Variants in IQCM observed in about 807,000 individuals in gnomAD.
The protein encoded by IQCM is IQ domain-containing protein M.
In IQCM, 45 loss-of-function variants were observed where a neutral mutation model predicts 57.6. The observed-to-expected ratio is 0.78, with a 90% CI of 0.62 to 1.00. The LOEUF is 1.00. Among genes scored for constraint, IQCM ranks in the 50% least tolerant of loss-of-function variants. The probability of loss-of-function intolerance (pLI) is 0.00; values close to 1 mark genes in which losing one functional copy is unlikely to be tolerated. For missense variants in IQCM, 468 were observed against 511.6 expected (o/e 0.91, Z 0.82); for synonymous variants, 148 against 158.9 (o/e 0.93, Z 0.51).
intron 13 of IQCM, among the ~76,000 whole-genome samples, chr4:149,417,016 T>C (rs1197811716): frequency 6.6e-6 from 1 of 152,078 alleles, no homozygotes; most frequent in East Asian, 1.9e-4. Context: ...CTTTTAGGCT[T>C]TTGAGGGAAA....
chr4:149,489,196 C>A (rs1741834588), intron 12 of IQCM, among the ~76,000 whole-genome samples: 1 of 151,934 alleles, frequency 6.6e-6, no homozygotes, highest in African/African-American at 2.4e-5. Context: ...AAACATACAC[C>A]CACAACAGTG....
rs529649771 is a variant in IQCM at position 149,606,660 on chromosome 4, A to C, written c.681+14469T>G. Among the ~76,000 whole-genome samples, 6 of 152,280 alleles carry C rather than the reference A, an allele frequency of 3.9e-5. No homozygotes were observed. In the East Asian group the frequency reaches 1.2e-3, roughly 29 times the overall value. ...TCTTGAGGAAGCTCAATGAACTTCA[A>C]GATAACACATAGAAGGAATTTAGAA... On this transcript the variant is annotated intron_variant, in intron 8 of 13. Transcript: ENST00000636793.
intron 13 of IQCM, among the ~76,000 whole-genome samples, chr4:149,431,695 T>A (rs1461865160): frequency 6.6e-6 from 1 of 151,930 alleles, no homozygotes; most frequent in African/African-American, 2.4e-5. Flanking sequence ...TTTGTTCCCA[T>A]AGGTTTGCTT....
intron 7 of IQCM, among the ~76,000 whole-genome samples, chr4:149,643,876 G>A (rs1039190974): frequency 2.0e-5 from 3 of 152,218 alleles, no homozygotes; most frequent in African/African-American, 4.8e-5. Context: ...TACAGACTCC[G>A]CCTTCTTACT....
intron 2 of IQCM, among the ~76,000 whole-genome samples, chr4:149,759,333 A>G (rs1247439130): frequency 6.6e-6 from 1 of 152,200 alleles, no homozygotes; most frequent in Non-Finnish European, 1.5e-5. Flanking sequence ...CGGTGAATAC[A>G]TGTCATTATA....
At chr4:149,389,736 C>T (rs913807917) in intron 13 of IQCM, among the ~76,000 whole-genome samples, 11 of 150,656 alleles carry the variant, frequency 7.3e-5, no homozygotes, top group African/African-American at 2.7e-4. Flanking sequence ...AGGGATAGCA[C>T]TGGGAGATAT....
intron 9 of IQCM, among the ~76,000 whole-genome samples, chr4:149,568,314 C>G (rs1045795397): frequency 3.3e-5 from 5 of 152,144 alleles, no homozygotes; most frequent in Non-Finnish European, 7.3e-5. Flanking sequence ...GCTACTGCCA[C>G]CTCAGGGTCA....
chr4:149,524,011 C>A (rs1412294831), intron 12 of IQCM, among the ~76,000 whole-genome samples: 1 of 151,920 alleles, frequency 6.6e-6, no homozygotes, highest in Non-Finnish European at 1.5e-5. Context: ...ATCAAATGTC[C>A]ATCAACAAGA....
intron 12 of IQCM, among the ~76,000 whole-genome samples, chr4:149,546,634 G>T (rs1043103316): frequency 7.2e-5 from 11 of 152,274 alleles, no homozygotes; most frequent in African/African-American, 2.6e-4. Context: ...AGAAGTGTCT[G>T]CTCATATCCT....
At chr4:149,798,992 T>C (rs1023971468) in intron 2 of IQCM, among the ~76,000 whole-genome samples, 1 of 151,454 alleles carries the variant, frequency 6.6e-6, no homozygotes, top group Non-Finnish European at 1.5e-5. Context: ...ATCTAATAGA[T>C]ATTTACAGAA....
intron 13 of IQCM, among the ~76,000 whole-genome samples, chr4:149,426,540 C>T (rs1189831062): frequency 1.3e-5 from 2 of 151,930 alleles, no homozygotes; most frequent in African/African-American, 4.8e-5. Context: ...GTGGTTCAGG[C>T]TCAGGGGCTA....
intron 5 of IQCM, among the ~76,000 whole-genome samples, chr4:149,730,535 A>G (rs1030992572): frequency 2.6e-5 from 4 of 152,220 alleles, no homozygotes; most frequent in African/African-American, 9.6e-5. Context: ...GTCATGTAAA[A>G]TCATTTTAAT....
chr4:149,476,201 A>G (rs1019204826), intron 12 of IQCM, among the ~76,000 whole-genome samples: 1 of 152,184 alleles, frequency 6.6e-6, no homozygotes, highest in Non-Finnish European at 1.5e-5. Context: ...AAACTGGCAC[A>G]TCTATGGCAG....
At chr4:149,537,574 T>C (rs1006823842) in intron 12 of IQCM, among the ~76,000 whole-genome samples, 4 of 151,922 alleles carry the variant, frequency 2.6e-5, no homozygotes, top group African/African-American at 9.7e-5. Flanking sequence ...TTGCCAAATT[T>C]GATGAAAAAC....
chr4:149,408,803 C>T (rs1378842703), intron 13 of IQCM, among the ~76,000 whole-genome samples: 1 of 152,036 alleles, frequency 6.6e-6, no homozygotes, highest in Non-Finnish European at 1.5e-5. Flanking sequence ...TAAGAGCAGA[C>T]ATCTCCCCAG....
chr4:149,727,648 AG>A (rs1403583760), intron 5 of IQCM, among the ~76,000 whole-genome samples: 2 of 152,240 alleles, frequency 1.3e-5, no homozygotes, highest in East Asian at 3.9e-4. Flanking sequence ...CAGGGACAGA[AG>A]GGAGGAAACA....
chr4:149,668,840 G>A (rs1760977829), intron 7 of IQCM, among the ~76,000 whole-genome samples: 1 of 152,014 alleles, frequency 6.6e-6, no homozygotes, highest in Non-Finnish European at 1.5e-5. Context: ...GCTTTTAAAA[G>A]AAGAAGAAAA....
chr4:149,703,595 T>G (rs1763929391), intron 5 of IQCM, among the ~76,000 whole-genome samples: 1 of 151,914 alleles, frequency 6.6e-6, no homozygotes, highest in Non-Finnish European at 1.5e-5. Flanking sequence ...TGTTGCTCTT[T>G]GCATATCAAA....
At chr4:149,531,956 T>C (rs1186163489) in intron 12 of IQCM, among the ~76,000 whole-genome samples, 53 of 152,264 alleles carry the variant, frequency 3.5e-4, no homozygotes. Flanking sequence ...TAAGTGGTCA[T>C]TGAAGGCTCA....
Sources: gnomAD v4.1 joint callset for allele counts (sites outside exome capture counted in the v4.1 genomes callset) on GRCh38, gnomAD v4.1.1 for gene constraint, MANE v1.5 for transcripts, NCBI Gene and HGNC (gene_info 2026-07-23, HGNC 2026-07-21) for gene names.